The following EPHA6 variants were observed in gnomAD, a reference collection of about 807,000 sequenced individuals.
EPHA6 encodes the protein EPH receptor A6.
Under a neutral mutation model 112.0 loss-of-function variants are expected in EPHA6, and 50 were observed. The observed-to-expected ratio is 0.45, with a 90% CI of 0.36 to 0.56. EPHA6 has a LOEUF of 0.56. Among genes scored for constraint, EPHA6 ranks in the 20% least tolerant of loss-of-function variants. The pLI, the probability that EPHA6 is intolerant of heterozygous loss-of-function variation, is 0.00. For synonymous variants in EPHA6, 529 were observed against 490.7 expected (o/e 1.08, Z -1.03); for missense variants, 1,280 against 1,417.4 (o/e 0.90, Z 1.56).
At chr3:97,602,170 G>A (rs1243427746) in intron 12 of EPHA6, among the ~76,000 whole-genome samples, 1 of 151,838 alleles carries the variant, frequency 6.6e-6, no homozygotes, top group African/African-American at 2.4e-5. Context: ...GTCTTTTTAA[G>A]CCAAATTTGA....
At chr3:97,450,380 C>T (rs897420573) in intron 7 of EPHA6, among the ~76,000 whole-genome samples, 2 of 152,008 alleles carry the variant, frequency 1.3e-5, no homozygotes, top group Non-Finnish European at 2.9e-5. Context: ...AGCTTTTGCA[C>T]TTCTCTTACT....
chr3:96,994,761 A>AGAGAGC, intron 3 of EPHA6, among the ~76,000 whole-genome samples: 1 of 137,112 alleles, frequency 7.3e-6, no homozygotes, highest in East Asian at 2.1e-4. Context: ...AGAGAGAGAG[A>AGAGAGC]GCTATATATA....
At chr3:97,048,855 G>T (rs573516574) in intron 3 of EPHA6, among the ~76,000 whole-genome samples, 1 of 152,150 alleles carries the variant, frequency 6.6e-6, no homozygotes, top group Admixed American at 6.6e-5. Flanking sequence ...GCAGAAAAAC[G>T]TGAAGCAATG....
At chr3:96,842,632 A>G (rs1008045372) in intron 1 of EPHA6, among the ~76,000 whole-genome samples, 2 of 152,122 alleles carry the variant, frequency 1.3e-5, no homozygotes, top group African/African-American at 2.4e-5. Flanking sequence ...AATCTATTAC[A>G]TATAGTGATG....
At chr3:97,724,592 C>T (rs2034675578) in intron 15 of EPHA6, among the ~76,000 whole-genome samples, 1 of 152,102 alleles carries the variant, frequency 6.6e-6, no homozygotes, top group Admixed American at 6.6e-5. Context: ...ATAGCGAGAC[C>T]TTGTCTCTAC....
chr3:96,836,178 T>C (rs1333507868), intron 1 of EPHA6, among the ~76,000 whole-genome samples: 2 of 152,152 alleles, frequency 1.3e-5, no homozygotes, highest in Admixed American at 1.3e-4. Context: ...TCACTTTTCT[T>C]GGCATCATAC....
chr3:97,594,654 T>A (rs972683799), intron 12 of EPHA6, among the ~76,000 whole-genome samples: 2 of 152,206 alleles, frequency 1.3e-5, no homozygotes, highest in African/African-American at 4.8e-5. Flanking sequence ...AGATTTTTTT[T>A]ATATTTTGTG....
chr3:97,472,948 T>C (rs774644859), intron 7 of EPHA6, among the ~76,000 whole-genome samples: 13 of 140,746 alleles, frequency 9.2e-5, no homozygotes, highest in Non-Finnish European at 2.0e-4. Flanking sequence ...TATGTAACCT[T>C]GAGAAAGTAA....
chr3:96,817,950 C>T (rs1017928266), intron 1 of EPHA6, among the ~76,000 whole-genome samples: 1 of 151,888 alleles, frequency 6.6e-6, no homozygotes, highest in Non-Finnish European at 1.5e-5. Context: ...ACTCTCTCTT[C>T]CTATGAACCA....
At chr3:97,006,872 T>C (rs1007417580) in intron 3 of EPHA6, among the ~76,000 whole-genome samples, 1 of 152,238 alleles carries the variant, frequency 6.6e-6, no homozygotes, top group East Asian at 1.9e-4. Flanking sequence ...CCAGGAGTCA[T>C]TCAGGAGCAG....
At chr3:97,219,721 T>A (rs150613883) in intron 3 of EPHA6, among the ~76,000 whole-genome samples, 151 of 152,298 alleles carry the variant, frequency 9.9e-4, no homozygotes, top group African/African-American at 3.5e-3. Context: ...AAATATTTTC[T>A]CCATTGTCTT....
intron 3 of EPHA6, among the ~76,000 whole-genome samples, chr3:97,046,831 A>C (rs2045524157): frequency 6.6e-6 from 1 of 152,152 alleles, no homozygotes; most frequent in Admixed American, 6.5e-5. Flanking sequence ...ACAAAACTTT[A>C]TTAAAGATCA....
At chr3:97,215,741 A>G (rs2078017694) in intron 3 of EPHA6, among the ~76,000 whole-genome samples, 1 of 152,210 alleles carries the variant, frequency 6.6e-6, no homozygotes, top group Non-Finnish European at 1.5e-5. Flanking sequence ...TATTTTAAGC[A>G]ATCATGTAAA....
chr3:96,818,519 T>G (rs1345051169), intron 1 of EPHA6, among the ~76,000 whole-genome samples: 1 of 151,986 alleles, frequency 6.6e-6, no homozygotes, highest in Non-Finnish European at 1.5e-5. Flanking sequence ...TTTCATTAAA[T>G]TTATTAATTT....
intron 6 of EPHA6, among the ~76,000 whole-genome samples, chr3:97,419,892 A>G (rs1215189425): frequency 6.6e-6 from 1 of 152,140 alleles, no homozygotes; most frequent in African/African-American, 2.4e-5. Context: ...AAGGCTGAGA[A>G]ACTGGGAAGC....
At chr3:97,551,291 C>A (rs936768427) in intron 11 of EPHA6, among the ~76,000 whole-genome samples, 46 of 152,232 alleles carry the variant, frequency 3.0e-4, no homozygotes, top group African/African-American at 1.1e-3. Context: ...GCACAGTCTT[C>A]TGTTTTCTGG....
intron 2 of EPHA6, among the ~76,000 whole-genome samples, chr3:96,944,580 C>T (rs970210413): frequency 5.9e-5 from 9 of 152,172 alleles, no homozygotes; most frequent in Admixed American, 3.3e-4. Flanking sequence ...ACACCTTGGC[C>T]GTGCACAGTG....
intron 3 of EPHA6, among the ~76,000 whole-genome samples, chr3:97,210,880 A>T (rs552174797): frequency 6.6e-6 from 1 of 152,116 alleles, no homozygotes; most frequent in Admixed American, 6.6e-5. Context: ...TACATTCTAG[A>T]TGGGTCCCTC....
intron 2 of EPHA6, among the ~76,000 whole-genome samples, chr3:96,964,884 A>G (rs113653290): frequency 1.6e-4 from 25 of 152,312 alleles, no homozygotes; most frequent in African/African-American, 6.0e-4. Context: ...TCAAAAGAAA[A>G]ACTTCAGCTG....
Sources: allele counts gnomAD v4.1 joint callset (sites outside exome capture counted in the v4.1 genomes callset), GRCh38; gene constraint gnomAD v4.1.1; transcripts MANE v1.5; gene names NCBI Gene and HGNC (gene_info 2026-07-23, HGNC 2026-07-21).